Variants in TMCC1 observed in about 807,000 individuals in gnomAD.
The protein encoded by TMCC1 is transmembrane and coiled-coil domains protein 1.
In TMCC1, 15 loss-of-function variants were observed where a neutral mutation model predicts 52.4. The observed-to-expected ratio is 0.29, with a 90% CI of 0.19 to 0.44. The LOEUF (loss-of-function observed/expected upper bound fraction) is 0.44. TMCC1 is among the 20% of genes least tolerant of loss of function. The probability of loss-of-function intolerance (pLI) is 1.00; values close to 1 mark genes in which losing one functional copy is unlikely to be tolerated. For synonymous variants in TMCC1, 279 were observed against 301.9 expected, an observed-to-expected ratio of 0.92 and a Z score of 0.79; for missense variants, 503 against 806.0, an observed-to-expected ratio of 0.62 and a Z score of 4.55.
chr3:129,658,925 GA>G (rs1345596919), intron 5 of TMCC1, among the ~76,000 whole-genome samples: 1 of 152,014 alleles, frequency 6.6e-6, no homozygotes, highest in African/African-American at 2.4e-5. Flanking sequence ...AACTATCTTA[GA>G]AAATGAGACC....
chr3:129,878,826 G>C (rs2061339786), intron 2 of TMCC1, among the ~76,000 whole-genome samples: 1 of 152,122 alleles, frequency 6.6e-6, no homozygotes, highest in Non-Finnish European at 1.5e-5. Context: ...AAACCCCCAA[G>C]GTAATTCATG....
intron 4 of TMCC1, among the ~76,000 whole-genome samples, chr3:129,677,485 T>C (rs2088558881): frequency 3.3e-5 from 5 of 152,224 alleles, no homozygotes; most frequent in Admixed American, 3.3e-4. Context: ...GACAAGCCAA[T>C]GTGACTATAG....
At chr3:129,855,167 G>C (rs1403569687) in intron 2 of TMCC1, among the ~76,000 whole-genome samples, 1 of 152,136 alleles carries the variant, frequency 6.6e-6, no homozygotes, top group African/African-American at 2.4e-5. Flanking sequence ...CCTTCTTCTG[G>C]TGGCTTCCTA....
At chr3:129,870,822 A>T (rs1464698196) in intron 2 of TMCC1, among the ~76,000 whole-genome samples, 1 of 148,408 alleles carries the variant, frequency 6.7e-6, no homozygotes, top group African/African-American at 2.5e-5. Context: ...GGTCTCATTC[A>T]TCTAGAAAAT....
At chr3:129,742,216 G>GA (rs1050904306) in intron 4 of TMCC1, among the ~76,000 whole-genome samples, 4 of 150,884 alleles carry the variant, frequency 2.7e-5, no homozygotes, top group African/African-American at 9.7e-5. Context: ...AACAACAAAA[G>GA]AAAAAAAATA....
intron 4 of TMCC1, among the ~76,000 whole-genome samples, chr3:129,781,705 T>C (rs150985335): frequency 1.1e-4 from 16 of 152,138 alleles, no homozygotes; most frequent in South Asian, 1.0e-3. Context: ...CTAAATACCA[T>C]GTAAGAGTGA....
intron 4 of TMCC1, among the ~76,000 whole-genome samples, chr3:129,794,701 T>G (rs1343320730): frequency 6.6e-6 from 1 of 151,872 alleles, no homozygotes; most frequent in Non-Finnish European, 1.5e-5. Flanking sequence ...GCCGCTGTGG[T>G]GCTACCTGAA....
chr3:129,750,142 A>G (rs986180814), intron 4 of TMCC1, among the ~76,000 whole-genome samples: 1 of 152,128 alleles, frequency 6.6e-6, no homozygotes, highest in Non-Finnish European at 1.5e-5. Context: ...CTCTTAGGTA[A>G]AAGAATGTTT....
At chr3:129,753,672 A>C (rs1279724561) in intron 4 of TMCC1, among the ~76,000 whole-genome samples, 2 of 152,204 alleles carry the variant, frequency 1.3e-5, no homozygotes, top group Non-Finnish European at 2.9e-5. Context: ...AAAGACTCTC[A>C]AAGTAAGAAT....
intron 1 of TMCC1, chr3:129,892,519 T>C (rs927305394): frequency 1.3e-5 from 2 of 152,092 alleles, no homozygotes; most frequent in African/African-American, 4.8e-5. Context: ...CTGATATTTA[T>C]GCCCTGGATT....
At chr3:129,887,850 T>C (rs774970711) in intron 1 of TMCC1, among the ~76,000 whole-genome samples, 22 of 152,266 alleles carry the variant, frequency 1.4e-4, no homozygotes, top group Non-Finnish European at 3.1e-4. Context: ...TCAAAACCCA[T>C]AGAAATTTAT....
At chr3:129,774,184 G>A (rs894122767) in intron 4 of TMCC1, among the ~76,000 whole-genome samples, 21 of 152,084 alleles carry the variant, frequency 1.4e-4, no homozygotes, top group African/African-American at 4.8e-4. Context: ...TTGTTTCTTG[G>A]CTTTTGTGAT....
At chr3:129,699,658 T>C (rs1477544755) in intron 4 of TMCC1, among the ~76,000 whole-genome samples, 1 of 152,232 alleles carries the variant, frequency 6.6e-6, no homozygotes, top group Non-Finnish European at 1.5e-5. Flanking sequence ...GAACCCTCTC[T>C]TGGGGTCTGG....
At chr3:129,707,873 A>T (rs2048362933) in intron 4 of TMCC1, among the ~76,000 whole-genome samples, 1 of 151,792 alleles carries the variant, frequency 6.6e-6, no homozygotes, top group East Asian at 1.9e-4. Flanking sequence ...CGGAGGTTGC[A>T]GCGAGCCGAG....
At chr3:129,810,137 G>A (rs2057721286) in intron 4 of TMCC1, among the ~76,000 whole-genome samples, 1 of 152,132 alleles carries the variant, frequency 6.6e-6, no homozygotes, top group African/African-American at 2.4e-5. Flanking sequence ...TGGGTGGATG[G>A]CTTGAGCTCA....
chr3:129,651,691 G>T lies in TMCC1; in HGVS notation c.1752C>A (p.Asn584Lys). 1 of 1,614,208 alleles carries T rather than the reference G, an allele frequency of 6.2e-7. No homozygotes were observed. Among genetic ancestry groups the T allele is most frequent in the Non-Finnish European group, 8.5e-7 (1 of 1,180,038 alleles). ...LEGLENATARNLLGKLINILL... is the reference protein window; with the variant it reads ...LEGLENATARKLLGKLINILL... ...GGATGTTGATGAGTTTGCCCAGAAG[G>T]TTCCGGGCAGTGGCATTCTCCAGCC... The change falls in exon 7 of 7, where the codon AAC becomes AAA. Residue 584 changes from asparagine to lysine, a missense_variant. By Grantham distance (94) the Asn-to-Lys change is moderately conservative. Around this residue, in one of 7 missense-constraint regions of TMCC1, gnomAD observed 121 missense variants for 193.6 expected, o/e 0.62. Transcript: ENST00000393238. The surrounding 1 kb of genome is among the most constrained non-coding windows in gnomAD (Gnocchi z 5.1).
intron 4 of TMCC1, among the ~76,000 whole-genome samples, chr3:129,710,614 AT>A (rs1208183105): frequency 1.3e-5 from 2 of 152,190 alleles, no homozygotes; most frequent in African/African-American, 2.4e-5. Context: ...GTCTTCTCCC[AT>A]GGCCAATCCT....
chr3:129,689,490 T>G (rs1050462364), intron 4 of TMCC1, among the ~76,000 whole-genome samples: 1 of 152,190 alleles, frequency 6.6e-6, no homozygotes, highest in African/African-American at 2.4e-5. Flanking sequence ...GAGGTTAACA[T>G]GCAGAAAGGA....
At chr3:129,781,243 C>T (rs1276107617) in intron 4 of TMCC1, among the ~76,000 whole-genome samples, 2 of 152,186 alleles carry the variant, frequency 1.3e-5, no homozygotes, top group African/African-American at 4.8e-5. Context: ...CCGACAAATA[C>T]TCTGTTGGTC....
Sources: allele counts gnomAD v4.1 joint callset (sites outside exome capture counted in the v4.1 genomes callset), GRCh38; gene constraint gnomAD v4.1.1; regional missense constraint gnomAD v4.1.1; non-coding constraint Gnocchi (gnomAD v3.1); transcripts MANE v1.5; gene names NCBI Gene and HGNC (gene_info 2026-07-23, HGNC 2026-07-21).